CSMD1: variants seen among roughly 807,000 people sequenced by gnomAD.
CSMD1 encodes the protein CUB and sushi domain-containing protein 1.
A neutral mutation model predicts 417.5 loss-of-function variants in CSMD1; 213 were observed. That is an observed-to-expected ratio of 0.51 (90% CI 0.46 to 0.57). The LOEUF is 0.57. Among genes scored for constraint, CSMD1 ranks in the 20% least tolerant of loss-of-function variants. The pLI, the probability that CSMD1 is intolerant of heterozygous loss-of-function variation, is 0.00. For missense variants in CSMD1, 6,923 were observed against 4,529.7 expected (o/e 1.53, Z -15.17); for synonymous variants, 2,862 against 1,736.8 (o/e 1.65, Z -16.11).
intron 6 of CSMD1, among the ~76,000 whole-genome samples, chr8:3,712,213 G>A (rs1048684419): frequency 6.6e-6 from 1 of 152,154 alleles, no homozygotes; most frequent in African/African-American, 2.4e-5. Context: ...TGTACAAAAA[G>A]GGAAGGTGAC....
chr8:3,660,532 T>C lies in CSMD1; in HGVS notation c.1010-43735A>G, dbSNP rs1798360665. Among the ~76,000 whole-genome samples the C allele has an allele frequency of 1.1e-4, 2 of 18,694 alleles. 1 individual carries two copies. Among genetic ancestry groups the C allele is most frequent in the Non-Finnish European group, 2.0e-4 (2 of 9,966 alleles). The allele number at this position is 18,694 out of a possible 152,430, so 12.3% of individuals were successfully genotyped here. A position where few individuals can be genotyped will look rare whatever the true frequency, so the allele number is the denominator to read the frequency against. On this transcript the variant is annotated intron_variant, in intron 7 of 69. Coordinates refer to ENST00000635120, the MANE Select transcript of CSMD1 (RefSeq NM_033225.6). ...TTTTTTTTTTTTTTTTTTTTTTTTT[T>C]TTTTTTGAAAAAAAACAAGGCCCTG... is the stretch of plus-strand genomic sequence containing the variant.
chr8:3,856,281 C>T (rs1348038632), intron 5 of CSMD1, among the ~76,000 whole-genome samples: 1 of 152,132 alleles, frequency 6.6e-6, no homozygotes, highest in African/African-American at 2.4e-5. Context: ...GACACACCTG[C>T]TTCCGCTTCA....
intron 41 of CSMD1, among the ~76,000 whole-genome samples, chr8:3,132,706 A>G (rs1465835112): frequency 6.6e-6 from 1 of 152,224 alleles, no homozygotes; most frequent in Non-Finnish European, 1.5e-5. Context: ...TTACCTGAGC[A>G]ATTGTAATCT....
intron 24 of CSMD1, 40 bp downstream of exon 24, chr8:3,308,272 C>T (rs770068269): frequency 2.6e-6 from 4 of 1,528,692 alleles, no homozygotes; most frequent in Non-Finnish European, 3.6e-6. Context: ...CACCCTAAGG[C>T]CTGGCTTTTG....
intron 8 of CSMD1, among the ~76,000 whole-genome samples, chr8:3,616,130 T>C (rs758215955): frequency 1.3e-5 from 2 of 152,136 alleles, no homozygotes; most frequent in Non-Finnish European, 2.9e-5. Context: ...ATTAAAAGAA[T>C]TGGAATATGA....
Position 3,393,982 on chromosome 8 carries a change from G to GTATAAT in CSMD1, c.2593+2206_2593+2211dup, listed in dbSNP as rs1554536947. On this transcript the variant is annotated intron_variant, in intron 17 of 69. Transcript: ENST00000635120. ...GTGCACATGTACCCTAGAACTTAAC[G>GTATAAT]TATAATAATAATAATAATAAAAAAA... Among the ~76,000 whole-genome samples, 4 of 14,618 alleles carry GTATAAT rather than the reference G, an allele frequency of 2.7e-4. No individual in the cohort carries two copies. The East Asian group carries it at 5.7e-3, about 21-fold the overall frequency. 9.6% of individuals were successfully genotyped at this position (14,618 alleles called of 152,430 possible).
At chr8:3,749,935 T>A (rs1451181893) in intron 6 of CSMD1, among the ~76,000 whole-genome samples, 1 of 152,352 alleles carries the variant, frequency 6.6e-6, no homozygotes, top group East Asian at 1.9e-4. Flanking sequence ...GTTGGACGCA[T>A]GCCTGAAATG....
intron 25 of CSMD1, among the ~76,000 whole-genome samples, chr8:3,294,983 T>G (rs989021417): frequency 6.6e-6 from 1 of 152,204 alleles, no homozygotes; most frequent in Non-Finnish European, 1.5e-5. Context: ...CCCATTTATA[T>G]TTTTAGAAGC....
chr8:3,109,408 C>T (rs1231047171), intron 43 of CSMD1, among the ~76,000 whole-genome samples: 1 of 152,176 alleles, frequency 6.6e-6, no homozygotes, highest in Non-Finnish European at 1.5e-5. Context: ...TCATTGTGGT[C>T]AACCTAATAT....
At chr8:4,539,811 G>C (rs1015224898) in intron 2 of CSMD1, among the ~76,000 whole-genome samples, 2 of 152,132 alleles carry the variant, frequency 1.3e-5, no homozygotes, top group Non-Finnish European at 2.9e-5. Flanking sequence ...TTCCATATGG[G>C]TTAAGCATTA....
chr8:3,442,546 G>C (rs573105779), intron 12 of CSMD1, among the ~76,000 whole-genome samples: 18 of 152,186 alleles, frequency 1.2e-4, no homozygotes, highest in Non-Finnish European at 1.9e-4. Context: ...ACAGTCACAT[G>C]CTGTACAGGT....
chr8:4,095,330 T>G (rs1423037842), intron 3 of CSMD1, among the ~76,000 whole-genome samples: 1 of 152,224 alleles, frequency 6.6e-6, no homozygotes, highest in Non-Finnish European at 1.5e-5. Flanking sequence ...ATTTGCCACA[T>G]TAGCAGCTTC....
At chr8:3,089,330 A>G (rs1268556688) in intron 48 of CSMD1, among the ~76,000 whole-genome samples, 1 of 152,360 alleles carries the variant, frequency 6.6e-6, no homozygotes, top group East Asian at 1.9e-4. Context: ...CGCCCAATAC[A>G]GAAGCTTTCA....
chr8:3,427,041 C>G (rs1813890228), intron 12 of CSMD1, among the ~76,000 whole-genome samples: 1 of 152,116 alleles, frequency 6.6e-6, no homozygotes, highest in African/African-American at 2.4e-5. Context: ...ACCAACACAT[C>G]TCATGAGAAC....
chr8:3,789,644 T>C (rs1173686651), intron 5 of CSMD1, among the ~76,000 whole-genome samples: 1 of 151,830 alleles, frequency 6.6e-6, no homozygotes, highest in Admixed American at 6.6e-5. Flanking sequence ...AAAATAATAG[T>C]GAAAACCCAA....
intron 6 of CSMD1, among the ~76,000 whole-genome samples, chr8:3,714,037 T>C (rs1298193971): frequency 6.7e-6 from 1 of 149,418 alleles, no homozygotes; most frequent in South Asian, 2.1e-4. Context: ...GATAGATAGA[T>C]AGATAGATAG....
intron 3 of CSMD1, among the ~76,000 whole-genome samples, chr8:4,317,105 C>G (rs1385724567): frequency 6.6e-6 from 1 of 152,154 alleles, no homozygotes; most frequent in Non-Finnish European, 1.5e-5. Context: ...CAAGAGGTTT[C>G]CAACTGGCCA....
intron 1 of CSMD1, among the ~76,000 whole-genome samples, chr8:4,902,497 T>C (rs1026573164): frequency 5.9e-5 from 9 of 151,986 alleles, no homozygotes; most frequent in Non-Finnish European, 1.3e-4. Flanking sequence ...AAATATAATG[T>C]AGTTTGCAAA....
At chr8:3,779,425 A>G (rs1489843466) in intron 5 of CSMD1, among the ~76,000 whole-genome samples, 1 of 152,198 alleles carries the variant, frequency 6.6e-6, no homozygotes, top group Non-Finnish European at 1.5e-5. Flanking sequence ...AGGAGCATCA[A>G]GAAAGATCGT....
Sources: gnomAD v4.1 joint callset for allele counts (sites outside exome capture counted in the v4.1 genomes callset) on GRCh38, gnomAD v4.1.1 for gene constraint, MANE v1.5 for transcripts, NCBI Gene and HGNC (gene_info 2026-07-23, HGNC 2026-07-21) for gene names.